Variants in KIAA1671 observed in about 807,000 individuals in gnomAD.
The protein encoded by KIAA1671 is uncharacterized protein KIAA1671.
KIAA1671 carries 52 observed loss-of-function variants against 131.2 expected under a neutral mutation model. That is an observed-to-expected ratio of 0.40 (90% CI 0.32 to 0.50). The LOEUF (loss-of-function observed/expected upper bound fraction) is 0.50. Among genes scored for constraint, KIAA1671 ranks in the 20% least tolerant of loss-of-function variants. The probability of loss-of-function intolerance (pLI) is 0.73; values close to 1 mark genes in which losing one functional copy is unlikely to be tolerated. For missense variants in KIAA1671, 2,360 were observed against 2,364.2 expected (o/e 1.00, Z 0.04); for synonymous variants, 1,003 against 961.6 (o/e 1.04, Z -0.80).
chr22:25,093,737 A>ACTCTCT lies in KIAA1671; in HGVS notation c.4530+44398_4530+44403dup, dbSNP rs1326086246. Reference sequence around the variant, plus strand: ...CACACACACACACACACACACACACACTCTCTCTCTCTCTCTCTCTCTCTC... The same window carrying ACTCTCT: ...CACACACACACACACACACACACACACTCTCTCTCTCTCTCTCTCTCTCTCTCTCTC... On this transcript the variant is annotated intron_variant, in intron 6 of 12. Transcript: ENST00000358431. Among the ~76,000 whole-genome samples the ACTCTCT allele has an allele frequency of 2.6e-3, 77 of 30,116 alleles. 1 individual carries two copies. The highest frequency in any genetic ancestry group is 3.3e-3 in the Non-Finnish European group (51 of 15,322). The allele number at this position is 30,116 out of a possible 152,430, so 19.8% of individuals were successfully genotyped here. A position where few individuals can be genotyped will look rare whatever the true frequency, so the allele number is the denominator to read the frequency against.
chr22:25,006,956 G>C (rs1924780162), intron 1 of KIAA1671, among the ~76,000 whole-genome samples: 1 of 152,178 alleles, frequency 6.6e-6, no homozygotes, highest in Non-Finnish European at 1.5e-5. Flanking sequence ...TATATCTGCA[G>C]GTTTTCGGGA....
rs573138491 is a variant in KIAA1671, at chr22:25,164,334, TGGGCTTCCATTTTCTCATCTGA to T, written c.4531-6485_4531-6464del. ...AGAGCCCCATAGCTGTTCCTGCTTC[TGGGCTTCCATTTTCTCATCTGA>T]AAAGGAAGGGCCGACTGAATGGACT... On this transcript the variant is annotated intron_variant, in intron 6 of 12. Transcript: ENST00000358431. 8.1e-4 allele frequency among the ~76,000 whole-genome samples: 124 copies of T among 152,320 alleles called. 1 individual carries two copies. In the South Asian group the frequency reaches 0.024, roughly 29 times the overall value.
At chr22:24,999,519 T>C (rs1172755739) in intron 1 of KIAA1671, among the ~76,000 whole-genome samples, 1 of 139,904 alleles carries the variant, frequency 7.1e-6, no homozygotes, top group Non-Finnish European at 1.6e-5. Flanking sequence ...TGAGCCATTA[T>C]GCCTGGCCTG....
chr22:25,029,427 T>A lies in KIAA1671; in HGVS notation c.1428T>A (p.Val476=). 2 of 1,551,412 alleles carry A rather than the reference T, an allele frequency of 1.3e-6. No individual in the cohort carries two copies. The highest frequency in any genetic ancestry group is 1.7e-6 in the Non-Finnish European group (2 of 1,146,834). ...PSAAPEPEKG[V]VSVQERIRGW... is the part of the protein sequence containing the mutation. ...CGGCACCAGAGCCGGAGAAAGGGGTTGTGAGCGTTCAGGAACGGATCAGAG... is the reference window on the plus strand; with the variant it reads ...CGGCACCAGAGCCGGAGAAAGGGGTAGTGAGCGTTCAGGAACGGATCAGAG... The change falls in exon 3 of 13, where the codon GTT becomes GTA. Residue 476 remains valine, a synonymous_variant. Transcript: ENST00000358431.
At chr22:25,076,716 C>G (rs1405772400) in intron 6 of KIAA1671, among the ~76,000 whole-genome samples, 1 of 152,244 alleles carries the variant, frequency 6.6e-6, no homozygotes, top group Non-Finnish European at 1.5e-5. Flanking sequence ...TCAAGCTGCT[C>G]TCTTGGGGTT....
At chr22:25,191,363 A>G (rs1934667935) in intron 12 of KIAA1671, among the ~76,000 whole-genome samples, 1 of 151,840 alleles carries the variant, frequency 6.6e-6, no homozygotes, top group African/African-American at 2.4e-5. Flanking sequence ...ACCATGTTGG[A>G]CAGGCTGGTC....
chr22:25,164,519 A>C (rs1933570928), intron 6 of KIAA1671, among the ~76,000 whole-genome samples: 1 of 152,208 alleles, frequency 6.6e-6, no homozygotes, highest in Admixed American at 6.5e-5. Flanking sequence ...TTAATTCATC[A>C]TGTGTATTTT....
chr22:25,039,614 G>A lies in KIAA1671; in HGVS notation c.2484G>A (p.Val828=), dbSNP rs1982929931. The change falls in exon 5 of 13, where the codon GTG becomes GTA. Residue 828 remains valine (V), a synonymous_variant. Coordinates refer to ENST00000358431, the MANE Select transcript of KIAA1671 (RefSeq NM_001145206.2). The part of the protein sequence containing the change: ...PFPKWTGGAV[V]SSHKATVAVS... ...CCAAATGGACAGGCGGGGCAGTGGT[G>A]AGCTCGCACAAAGCCACCGTGGCAG... 1 of 1,550,674 alleles carries A rather than the reference G, an allele frequency of 6.4e-7. No homozygotes were observed. Among genetic ancestry groups the A allele is most frequent in the African/African-American group, 1.4e-5 (1 of 73,052 alleles).
chr22:25,094,978 C>G (rs1252343728), intron 6 of KIAA1671, among the ~76,000 whole-genome samples: 1 of 152,078 alleles, frequency 6.6e-6, no homozygotes, highest in Non-Finnish European at 1.5e-5. Context: ...CTGTAGTAGA[C>G]AAAACAGACA....
At chr22:24,986,483 C>T (rs1282252763) in intron 1 of KIAA1671, among the ~76,000 whole-genome samples, 1 of 151,334 alleles carries the variant, frequency 6.6e-6, no homozygotes, top group South Asian at 2.1e-4. Flanking sequence ...TGGAATATGA[C>T]AAGAAAAAAA....
intron 6 of KIAA1671, chr22:25,057,533 C>T (rs926596561): frequency 7.9e-5 from 12 of 151,538 alleles, no homozygotes; most frequent in African/African-American, 2.7e-4. Flanking sequence ...GAGAGTGAAC[C>T]TTTTCCACCT....
intron 1 of KIAA1671, among the ~76,000 whole-genome samples, chr22:25,007,859 AG>A (rs1250654566): frequency 4.6e-5 from 7 of 152,012 alleles, no homozygotes; most frequent in Non-Finnish European, 1.0e-4. Flanking sequence ...CTGCTCTGCA[AG>A]GAGCTGTACC....
chr22:24,968,490 C>T (rs796066980), intron 1 of KIAA1671, among the ~76,000 whole-genome samples: 46 of 152,318 alleles, frequency 3.0e-4, no homozygotes, highest in African/African-American at 1.1e-3. Flanking sequence ...TGTTTTCTCC[C>T]CAGCCATGGG....
At chr22:25,075,061 G>A (rs1472470178) in intron 6 of KIAA1671, among the ~76,000 whole-genome samples, 1 of 152,212 alleles carries the variant, frequency 6.6e-6, no homozygotes, top group African/African-American at 2.4e-5. Context: ...CTATAACCAT[G>A]GTTCAGTTAT....
At chr22:25,139,147 T>C (rs1457152516) in intron 6 of KIAA1671, among the ~76,000 whole-genome samples, 1 of 152,232 alleles carries the variant, frequency 6.6e-6, no homozygotes, top group Non-Finnish European at 1.5e-5. Flanking sequence ...TTGGGAATTC[T>C]GGGGATGCTG....
chr22:24,954,679 G>GT (rs1921594450), intron 1 of KIAA1671, among the ~76,000 whole-genome samples: 2 of 152,332 alleles, frequency 1.3e-5, no homozygotes, highest in Admixed American at 1.3e-4. Context: ...GATTCTTGAT[G>GT]TTGGGGATAC....
In KIAA1671 at chr22:25,164,634, A is replaced by G. The variant is rs16979684; in HGVS notation, c.4531-6186A>G. ...AAGAATATCCTGCCTTAAAGCTAAT[A>G]AAACAACCTGACTTGTAGAAAGTGA... On this transcript the variant is annotated intron_variant, in intron 6 of 12. Transcript: ENST00000358431. 9.2e-5 allele frequency among the ~76,000 whole-genome samples: 14 copies of G among 152,180 alleles called. No individual in the cohort carries two copies. In the East Asian group the frequency reaches 2.5e-3, roughly 27 times the overall value.
intron 6 of KIAA1671, among the ~76,000 whole-genome samples, chr22:25,127,357 T>TG (rs1463060226): frequency 4.6e-5 from 7 of 152,316 alleles, no homozygotes; most frequent in Admixed American, 1.3e-4. Flanking sequence ...CAGGCTCCAC[T>TG]GGTGTTTTAA....
chr22:25,068,510 C>T (rs1928618064), intron 6 of KIAA1671, among the ~76,000 whole-genome samples: 1 of 152,064 alleles, frequency 6.6e-6, no homozygotes, highest in South Asian at 2.1e-4. Flanking sequence ...GATCTCGGCT[C>T]ACTGCAAGCT....
Sources: gnomAD v4.1 joint callset for allele counts (sites outside exome capture counted in the v4.1 genomes callset) on GRCh38, gnomAD v4.1.1 for gene constraint, MANE v1.5 for transcripts, NCBI Gene and HGNC (gene_info 2026-07-23, HGNC 2026-07-21) for gene names.